The following BCL2 variants were observed in gnomAD, a reference collection of about 807,000 sequenced individuals.
BCL2 encodes apoptosis regulator Bcl-2.
BCL2 carries 1 observed loss-of-function variant against 14.2 expected under a neutral mutation model. The observed-to-expected ratio is 0.07, with a 90% CI of 0.02 to 0.33. The LOEUF is 0.33. BCL2 is among the 10% of genes least tolerant of loss of function. The pLI, the probability that BCL2 is intolerant of heterozygous loss-of-function variation, is 0.99. For missense variants in BCL2, 247 were observed against 305.9 expected (o/e 0.81, Z 1.44); for synonymous variants, 151 against 137.2 (o/e 1.10, Z -0.70).
At chr18:63,145,080 C>T (rs887621529) in intron 2 of BCL2, among the ~76,000 whole-genome samples, 44 of 152,290 alleles carry the variant, frequency 2.9e-4, no homozygotes, top group African/African-American at 1.0e-3. Context: ...CTCCTATTTA[C>T]AGGGCTGCTT....
chr18:63,235,609 G>A (rs1291971172), intron 2 of BCL2, among the ~76,000 whole-genome samples: 1 of 151,120 alleles, frequency 6.6e-6, no homozygotes, highest in African/African-American at 2.4e-5. Context: ...TGGTTATAAT[G>A]AGCATTGAGC....
At chr18:63,169,332 C>CTTTCTTTCTTT (rs1555697348) in intron 2 of BCL2, among the ~76,000 whole-genome samples, 19 of 35,758 alleles carry the variant, frequency 5.3e-4, no homozygotes, top group African/African-American at 1.8e-3. Context: ...TCTTTCCTTT[C>CTTTCTTTCTTT]CTTCCTTTCT....
intron 2 of BCL2, among the ~76,000 whole-genome samples, chr18:63,165,017 C>CATAT (rs771374599): frequency 6.6e-6 from 1 of 152,192 alleles, no homozygotes; most frequent in African/African-American, 2.4e-5. Flanking sequence ...CACATGTATA[C>CATAT]ATATGTAACT....
At chr18:63,272,560 C>T (rs907922731) in intron 2 of BCL2, among the ~76,000 whole-genome samples, 5 of 151,972 alleles carry the variant, frequency 3.3e-5, no homozygotes, top group Middle Eastern at 3.4e-3. Context: ...TCCAAATAAC[C>T]ACTCAAAGAA....
At chr18:63,232,896 T>C (rs1461063314) in intron 2 of BCL2, among the ~76,000 whole-genome samples, 1 of 152,252 alleles carries the variant, frequency 6.6e-6, no homozygotes, top group African/African-American at 2.4e-5. Context: ...GATATATTTA[T>C]AGAAAGAAAT....
At chr18:63,288,684 T>C (rs772034405) in intron 2 of BCL2, among the ~76,000 whole-genome samples, 2 of 152,212 alleles carry the variant, frequency 1.3e-5, no homozygotes, top group Non-Finnish European at 2.9e-5. Flanking sequence ...ATCACAGCCA[T>C]TGGGATATGC....
intron 2 of BCL2, among the ~76,000 whole-genome samples, chr18:63,171,979 T>G (rs905392208): frequency 1.3e-5 from 2 of 152,166 alleles, no homozygotes; most frequent in South Asian, 2.1e-4. Flanking sequence ...AGACCCCATC[T>G]CTAATAAATA....
intron 2 of BCL2, among the ~76,000 whole-genome samples, chr18:63,306,546 C>T (rs1345595986): frequency 2.0e-5 from 3 of 152,224 alleles, no homozygotes; most frequent in Admixed American, 2.0e-4. Flanking sequence ...TTGCCTCTGG[C>T]CTTTGTTCCT....
intron 2 of BCL2, among the ~76,000 whole-genome samples, chr18:63,278,473 T>C (rs1390120498): frequency 6.6e-6 from 1 of 152,220 alleles, no homozygotes; most frequent in East Asian, 1.9e-4. Context: ...TCTCCACCCT[T>C]GGTATCTGTC....
intron 2 of BCL2, among the ~76,000 whole-genome samples, chr18:63,145,900 T>C (rs759118588): frequency 2.6e-5 from 4 of 152,164 alleles, no homozygotes; most frequent in Non-Finnish European, 5.9e-5. Flanking sequence ...GTGGGGTAGC[T>C]GAACAGCGAG....
chr18:63,256,409 G>T (rs1321589656), intron 2 of BCL2, among the ~76,000 whole-genome samples: 2 of 152,114 alleles, frequency 1.3e-5, no homozygotes, highest in African/African-American at 2.4e-5. Flanking sequence ...TACAGACGGG[G>T]TTTCACCATG....
intron 2 of BCL2, among the ~76,000 whole-genome samples, chr18:63,222,884 T>C (rs887877425): frequency 6.6e-6 from 1 of 152,216 alleles, no homozygotes; most frequent in Admixed American, 6.5e-5. Flanking sequence ...TTGTTTAGTA[T>C]GTTGTAGGTT....
chr18:63,299,570 A>T (rs921938418), intron 2 of BCL2, among the ~76,000 whole-genome samples: 7 of 152,232 alleles, frequency 4.6e-5, no homozygotes, highest in African/African-American at 1.7e-4. Flanking sequence ...TTTTACTGGC[A>T]TTCCACTGCA....
chr18:63,129,990 A>G (rs1914022687), intron 2 of BCL2, among the ~76,000 whole-genome samples: 1 of 152,224 alleles, frequency 6.6e-6, no homozygotes, highest in Non-Finnish European at 1.5e-5. Context: ...CTGAGAGACA[A>G]AAAGTGTCTC....
intron 2 of BCL2, among the ~76,000 whole-genome samples, chr18:63,271,770 C>G (rs1159784589): frequency 6.6e-6 from 1 of 152,182 alleles, no homozygotes; most frequent in Non-Finnish European, 1.5e-5. Flanking sequence ...AGGTTTTGGA[C>G]ATCATCTTGG....
intron 2 of BCL2, among the ~76,000 whole-genome samples, chr18:63,224,168 T>A (rs1910482198): frequency 6.6e-6 from 1 of 151,834 alleles, no homozygotes; most frequent in African/African-American, 2.4e-5. Flanking sequence ...TGAAAAAAGA[T>A]AAAGAGATGG....
In BCL2 at chr18:63,214,666, T is replaced by C. The variant is rs565517554; in HGVS notation, c.586-85907A>G. On this transcript the variant is annotated intron_variant, in intron 2 of 2. Transcript: ENST00000333681. ...AATCATGCTAAAAATAAAATTACAT[T>C]TCGGGCCCTAAGGCTCATTTCTTTT... Among the ~76,000 whole-genome samples, 3 of 152,228 alleles carry C rather than the reference T, an allele frequency of 2.0e-5. No homozygotes were observed. The South Asian group carries it at 6.2e-4, about 32-fold the overall frequency.
intron 2 of BCL2, among the ~76,000 whole-genome samples, chr18:63,137,020 C>T (rs1914225464): frequency 6.6e-6 from 1 of 152,238 alleles, no homozygotes. Flanking sequence ...CCAGTCTGAT[C>T]TCTCTGCCTC....
chr18:63,132,676 C>T (rs967408248), intron 2 of BCL2, among the ~76,000 whole-genome samples: 15 of 152,252 alleles, frequency 9.9e-5, no homozygotes, highest in Admixed American at 3.9e-4. Context: ...CCTGCGGCTT[C>T]GGGACTAAAA....
Sources: allele counts gnomAD v4.1 joint callset (sites outside exome capture counted in the v4.1 genomes callset), GRCh38; gene constraint gnomAD v4.1.1; transcripts MANE v1.5; gene names NCBI Gene and HGNC (gene_info 2026-07-23, HGNC 2026-07-21).